AGBL4: variants seen among roughly 807,000 people sequenced by gnomAD.
AGBL4 encodes the protein cytosolic carboxypeptidase 6.
In AGBL4, 58 loss-of-function variants were observed where a neutral mutation model predicts 66.4. That is an observed-to-expected ratio of 0.87 (90% CI 0.71 to 1.09). AGBL4 has a LOEUF of 1.09. Ranked by LOEUF, AGBL4 falls within the 50% of genes least tolerant of loss-of-function variation. AGBL4 has a pLI of 0.00. For missense variants in AGBL4, 579 were observed against 631.0 expected (o/e 0.92, Z 0.88); for synonymous variants, 234 against 222.9 (o/e 1.05, Z -0.44).
At chr1:48,592,285 C>A (rs995443465) in intron 9 of AGBL4, among the ~76,000 whole-genome samples, 1 of 152,152 alleles carries the variant, frequency 6.6e-6, no homozygotes, top group Non-Finnish European at 1.5e-5. Context: ...AGTACATAGT[C>A]CTGGGAAAGA....
At chr1:48,831,261 G>A (rs974689461) in intron 6 of AGBL4, among the ~76,000 whole-genome samples, 6 of 152,106 alleles carry the variant, frequency 3.9e-5, no homozygotes, top group Admixed American at 2.0e-4. Flanking sequence ...CCTCTGGGCT[G>A]GAAGAACTAA....
In AGBL4 at chr1:49,019,453, A is replaced by G. The variant is rs17105416; in HGVS notation, c.594+26131T>C. On this transcript the variant is annotated intron_variant, in intron 5 of 13. Coordinates refer to ENST00000371839, the MANE Select transcript of AGBL4 (RefSeq NM_032785.4). ...ATTTCTTCTTCAGGTCAATGTAATC[A>G]GTGTAGAAAATGTAAATGAATAATT... Among the ~76,000 whole-genome samples the G allele has an allele frequency of 8.1e-3, 1,228 of 152,310 alleles. 10 individuals are homozygous for G. Among genetic ancestry groups the G allele is most frequent in the African/African-American group, 0.028 (1,150 of 41,562 alleles).
intron 4 of AGBL4, among the ~76,000 whole-genome samples, chr1:49,088,772 T>G (rs1644951636): frequency 6.6e-6 from 1 of 152,078 alleles, no homozygotes; most frequent in Admixed American, 6.6e-5. Flanking sequence ...CCTACAGAAC[T>G]TTCCAACCAA....
At chr1:48,948,768 G>A (rs555233312) in intron 5 of AGBL4, among the ~76,000 whole-genome samples, 14 of 152,026 alleles carry the variant, frequency 9.2e-5, no homozygotes, top group Non-Finnish European at 1.9e-4. Context: ...TTGACACTTA[G>A]TATGTACAAA....
intron 1 of AGBL4, among the ~76,000 whole-genome samples, chr1:50,013,533 A>G (rs1661709493): frequency 6.6e-6 from 1 of 152,214 alleles, no homozygotes; most frequent in Non-Finnish European, 1.5e-5. Flanking sequence ...GAAAGTTTAA[A>G]ACATTTACAA....
At chr1:49,908,687 G>A (rs1197873069) in intron 1 of AGBL4, among the ~76,000 whole-genome samples, 2 of 151,888 alleles carry the variant, frequency 1.3e-5, no homozygotes, top group South Asian at 2.1e-4. Context: ...TAGCTACTTG[G>A]GAGGCTAATG....
At chr1:49,032,621 T>G (rs937119264) in intron 5 of AGBL4, among the ~76,000 whole-genome samples, 1 of 152,120 alleles carries the variant, frequency 6.6e-6, no homozygotes, top group Non-Finnish European at 1.5e-5. Flanking sequence ...TGGTAGCCAT[T>G]GCAATGCTGA....
chr1:49,378,442 G>C (rs1028767497), intron 3 of AGBL4, among the ~76,000 whole-genome samples: 4 of 152,022 alleles, frequency 2.6e-5, no homozygotes, highest in Admixed American at 6.6e-5. Flanking sequence ...CTGTTGAGGA[G>C]ATTACACTAG....
At chr1:49,003,782 T>C (rs1382675431) in intron 5 of AGBL4, among the ~76,000 whole-genome samples, 3 of 152,212 alleles carry the variant, frequency 2.0e-5, no homozygotes, top group Non-Finnish European at 4.4e-5. Flanking sequence ...ATTTAGATAC[T>C]AGTTCTGTTG....
chr1:48,955,699 G>T (rs1481660985), intron 5 of AGBL4, among the ~76,000 whole-genome samples: 7 of 152,090 alleles, frequency 4.6e-5, no homozygotes, highest in Non-Finnish European at 1.0e-4. Flanking sequence ...CCTCTAGTTT[G>T]TTTACCTTGG....
At chr1:48,907,556 G>A (rs1335679591) in intron 5 of AGBL4, among the ~76,000 whole-genome samples, 3 of 152,162 alleles carry the variant, frequency 2.0e-5, no homozygotes, top group Admixed American at 1.3e-4. Flanking sequence ...CTTATATCAA[G>A]CAGCCTGAGG....
chr1:49,170,003 T>A (rs529257012), intron 4 of AGBL4, among the ~76,000 whole-genome samples: 47 of 151,636 alleles, frequency 3.1e-4, no homozygotes, highest in African/African-American at 9.9e-4. Context: ...AGGAGGGGAG[T>A]GAGGGATTAA....
chr1:48,694,788 C>T (rs1646689087), intron 6 of AGBL4, among the ~76,000 whole-genome samples: 1 of 152,116 alleles, frequency 6.6e-6, no homozygotes, highest in African/African-American at 2.4e-5. Context: ...ACTTTCCTGA[C>T]TCTCCTCTTC....
intron 3 of AGBL4, among the ~76,000 whole-genome samples, chr1:49,396,518 G>A (rs2148603119): frequency 6.6e-6 from 1 of 152,206 alleles, no homozygotes; most frequent in African/African-American, 2.4e-5. Context: ...TGTGGGAACT[G>A]TACAGCATGA....
intron 6 of AGBL4, among the ~76,000 whole-genome samples, chr1:48,780,877 T>A (rs1023168255): frequency 1.3e-5 from 2 of 152,186 alleles, no homozygotes; most frequent in Non-Finnish European, 2.9e-5. Flanking sequence ...GGCAAAGACT[T>A]CATGACTAAA....
intron 6 of AGBL4, among the ~76,000 whole-genome samples, chr1:48,695,854 A>G (rs1646705518): frequency 6.6e-6 from 1 of 152,184 alleles, no homozygotes; most frequent in South Asian, 2.1e-4. Flanking sequence ...GGTAAGTACT[A>G]GCCTAGACCA....
chr1:48,576,112 G>A lies in AGBL4; in HGVS notation c.1267+10892C>T, dbSNP rs1015562882. ...TGGCCATGGATTGGTACTGTGGCCT[G>A]TTAGGAATCAGGCTGCACCGCAGGA... On this transcript the variant is annotated intron_variant, in intron 11 of 13. Transcript: ENST00000371839. Among the ~76,000 whole-genome samples the A allele has an allele frequency of 3.9e-5, 6 of 152,342 alleles. No individual in the cohort carries two copies. In the East Asian group the frequency reaches 1.2e-3, roughly 29 times the overall value.
intron 5 of AGBL4, among the ~76,000 whole-genome samples, chr1:49,013,503 G>A (rs962623751): frequency 7.9e-5 from 12 of 152,132 alleles, no homozygotes; most frequent in African/African-American, 2.2e-4. Context: ...TGGAAGGAAC[G>A]GGGCTTCATA....
Position 50,023,911 on chromosome 1 carries a change from C to T in AGBL4, c.-115G>A. On this transcript the variant is annotated 5_prime_UTR_variant, in exon 1 of 14. Coordinates refer to ENST00000371839, the MANE Select transcript of AGBL4 (RefSeq NM_032785.4). ...TCAGGAAGACGCGGCACGACGGTTG[C>T]CTGGGCAACGGGCGGCAGGCGCGCG... 1.6e-6 allele frequency: 2 copies of T among 1,237,956 alleles called. No individual in the cohort carries two copies. The highest frequency in any genetic ancestry group is 2.2e-6 in the Non-Finnish European group (2 of 923,670). The allele number at this position is 1,237,956 out of a possible 1,614,324, so 76.7% of individuals were successfully genotyped here. A position where few individuals can be genotyped will look rare whatever the true frequency, so the allele number is the denominator to read the frequency against.
Sources: allele counts gnomAD v4.1 joint callset (sites outside exome capture counted in the v4.1 genomes callset), GRCh38; gene constraint gnomAD v4.1.1; transcripts MANE v1.5; gene names NCBI Gene and HGNC (gene_info 2026-07-23, HGNC 2026-07-21).